The following ORC5 variants were observed in gnomAD, a reference collection of about 807,000 sequenced individuals.
ORC5 encodes the protein origin recognition complex subunit 5, also known as protein phosphatase 1, regulatory subunit 117.
Under a neutral mutation model 58.8 loss-of-function variants are expected in ORC5, and 39 were observed. The ratio of observed to expected loss-of-function variants is 0.66; its 90% CI spans 0.51 to 0.87. The LOEUF is 0.87. Ranked by LOEUF, ORC5 falls within the 40% of genes least tolerant of loss-of-function variation. ORC5 has a pLI of 0.00. For synonymous variants in ORC5, 218 were observed against 177.6 expected, an observed-to-expected ratio of 1.23 and a Z score of -1.81; for missense variants, 493 against 506.3, an observed-to-expected ratio of 0.97 and a Z score of 0.25.
At chr7:104,158,518 C>T (rs530394181) in intron 12 of ORC5, among the ~76,000 whole-genome samples, 5 of 151,880 alleles carry the variant, frequency 3.3e-5, no homozygotes, top group Non-Finnish European at 7.4e-5. Flanking sequence ...GCAAAACAAA[C>T]TACCATCAGA....
In ORC5 at chr7:104,195,216, A is replaced by C. The variant is rs1258932224; in HGVS notation, c.480T>G (p.Ile160Met). The C allele has an allele frequency of 1.9e-6, 3 of 1,573,522 alleles. No homozygotes were observed. The highest frequency in any genetic ancestry group is 2.6e-6 in the Non-Finnish European group (3 of 1,165,656). The change falls in exon 5 of 14, where the codon ATT (isoleucine) becomes ATG (methionine). Residue 160 changes from isoleucine to methionine, a missense_variant. Ile to Met is a conservative substitution (Grantham distance 10). Around this residue, in one of 3 missense-constraint regions of ORC5, gnomAD observed 412 missense variants for 403.7 expected, o/e 1.02. Coordinates refer to ENST00000297431, the MANE Select transcript of ORC5 (RefSeq NM_002553.4). ...TATTTGGACGAAACTTTTCCCAAAC[A>C]ATTTCACTGAGAAAGAGAACAGTCA... ...RNVTVLFLSEIVWEKFRPNTG... is the reference protein window; with the variant it reads ...RNVTVLFLSEMVWEKFRPNTG...
At chr7:104,175,608 T>C (rs544960497) in intron 8 of ORC5, among the ~76,000 whole-genome samples, 12 of 152,190 alleles carry the variant, frequency 7.9e-5, no homozygotes, top group Non-Finnish European at 1.8e-4. Context: ...AAAGAAGAGA[T>C]CAATGTTTAT....
chr7:104,199,664 T>C (rs1016321075), intron 3 of ORC5, among the ~76,000 whole-genome samples: 2 of 152,242 alleles, frequency 1.3e-5, no homozygotes, highest in Non-Finnish European at 2.9e-5. Flanking sequence ...TATAGGCTCA[T>C]AGGTGGAAGG....
chr7:104,151,742 T>C (rs1416499040), intron 12 of ORC5, among the ~76,000 whole-genome samples: 1 of 152,146 alleles, frequency 6.6e-6, no homozygotes, highest in African/African-American at 2.4e-5. Flanking sequence ...GAATAAGAAC[T>C]AGAAATATGT....
chr7:104,179,068 A>AACTTATATACCCTTATATAAGGGTATAT (rs1297603827), intron 8 of ORC5, among the ~76,000 whole-genome samples: 1 of 151,962 alleles, frequency 6.6e-6, no homozygotes, highest in Non-Finnish European at 1.5e-5. Context: ...TAAGGGTATA[A>AACTTATATACCCTTATATAAGGGTATAT]AGATGTATTT....
In ORC5 at chr7:104,133,402, G is replaced by A. The variant is rs194848; in HGVS notation, c.1262+3379C>T. 5.9e-5 allele frequency among the ~76,000 whole-genome samples: 9 copies of A among 152,154 alleles called. No homozygotes were observed. Among genetic ancestry groups the A allele is most frequent in the African/African-American group, 2.2e-4 (9 of 41,472 alleles). The stretch of plus-strand genomic sequence containing the variant: ...TATTAGGAGTGGGGGAGAGAGAGAT[G>A]TCAAGAAGGACTCAAATTTCAGGCC... On this transcript the variant is annotated intron_variant, in intron 13 of 13. Transcript: ENST00000297431. The surrounding 1 kb of genome is among the most constrained non-coding windows in gnomAD (Gnocchi z 4.7).
At chr7:104,174,021 T>G (rs894439523) in intron 8 of ORC5, among the ~76,000 whole-genome samples, 11 of 151,366 alleles carry the variant, frequency 7.3e-5, no homozygotes, top group Non-Finnish European at 1.5e-4. Context: ...ATTTTTTGTA[T>G]TTTTAGTAGA....
chr7:104,174,952 A>T (rs1799292974), intron 8 of ORC5, among the ~76,000 whole-genome samples: 1 of 152,244 alleles, frequency 6.6e-6, no homozygotes, highest in African/African-American at 2.4e-5. Context: ...GGGTTGTAGG[A>T]ACCCAGAAGT....
At chr7:104,206,346 G>T (rs1800083720) in intron 1 of ORC5, among the ~76,000 whole-genome samples, 1 of 152,132 alleles carries the variant, frequency 6.6e-6, no homozygotes, top group African/African-American at 2.4e-5. Context: ...GCAGAAAACT[G>T]ATATTAAAAT....
intron 12 of ORC5, among the ~76,000 whole-genome samples, chr7:104,157,490 T>C (rs1422765144): frequency 6.6e-6 from 1 of 152,090 alleles, no homozygotes. Context: ...CAACTACAAT[T>C]GTCAAGTTTG....
intron 8 of ORC5, among the ~76,000 whole-genome samples, chr7:104,181,343 A>C (rs930314481): frequency 1.3e-5 from 2 of 152,196 alleles, no homozygotes; most frequent in African/African-American, 4.8e-5. Context: ...TTCCTCTAAA[A>C]TTCAAAAACT....
chr7:104,175,762 ACGCTTCC>A (rs1275158586), intron 8 of ORC5, among the ~76,000 whole-genome samples: 16 of 151,968 alleles, frequency 1.1e-4, no homozygotes, highest in African/African-American at 3.6e-4. Context: ...CCCTGCTAAA[ACGCTTCC>A]AAAACCACCC....
At chr7:104,190,632 G>T (rs962475009) in intron 5 of ORC5, among the ~76,000 whole-genome samples, 1 of 151,886 alleles carries the variant, frequency 6.6e-6, no homozygotes, top group African/African-American at 2.4e-5. Flanking sequence ...CATAATACAG[G>T]AATCAATTAG....
chr7:104,170,098 C>T (rs1799184177), intron 8 of ORC5, among the ~76,000 whole-genome samples: 1 of 152,178 alleles, frequency 6.6e-6, no homozygotes, highest in Non-Finnish European at 1.5e-5. Context: ...AATTATTTGG[C>T]TTACACTTCC....
chr7:104,205,851 A>C (rs899417244), intron 1 of ORC5, among the ~76,000 whole-genome samples: 1 of 152,118 alleles, frequency 6.6e-6, no homozygotes, highest in Non-Finnish European at 1.5e-5. Flanking sequence ...CTCTACAAAA[A>C]ACACAAAAAT....
chr7:104,165,168 A>T (rs1799085508), intron 11 of ORC5, 67 bp downstream of exon 11: 1 of 763,936 alleles, frequency 1.3e-6, no homozygotes, highest in Non-Finnish European at 2.2e-6. Context: ...ACAATTACAG[A>T]TGTATCTATT....
intron 12 of ORC5, among the ~76,000 whole-genome samples, chr7:104,158,185 T>C (rs2115838039): frequency 6.6e-6 from 1 of 152,180 alleles, no homozygotes; most frequent in Non-Finnish European, 1.5e-5. Flanking sequence ...CTCTTTCTGC[T>C]CTAAACTTCT....
chr7:104,184,262 C>A, intron 6 of ORC5, 91 bp from the exon 7 acceptor site: 1 of 794,242 alleles, frequency 1.3e-6, no homozygotes, highest in South Asian at 1.8e-5. Flanking sequence ...TATTGCAGTT[C>A]AGGAAATTTT....
chr7:104,164,501 T>C (rs1799075520), intron 11 of ORC5, among the ~76,000 whole-genome samples: 1 of 152,222 alleles, frequency 6.6e-6, no homozygotes, highest in Non-Finnish European at 1.5e-5. Context: ...AACATCATCG[T>C]AGGCTTTGGA....
Sources: gnomAD v4.1 joint callset for allele counts (sites outside exome capture counted in the v4.1 genomes callset) on GRCh38, gnomAD v4.1.1 for gene constraint, gnomAD v4.1.1 regional missense constraint, Gnocchi (gnomAD v3.1) non-coding constraint, MANE v1.5 for transcripts, NCBI Gene and HGNC (gene_info 2026-07-23, HGNC 2026-07-21) for gene names.